The following AP3D1 variants were observed in gnomAD, a reference collection of about 807,000 sequenced individuals.
The protein encoded by AP3D1 is adaptor related protein complex 3 subunit delta 1.
A neutral mutation model predicts 147.6 loss-of-function variants in AP3D1; 51 were observed. The observed-to-expected ratio is 0.35, with a 90% CI of 0.28 to 0.44. AP3D1 has a LOEUF of 0.44. AP3D1 is among the 20% of genes least tolerant of loss of function. The probability of loss-of-function intolerance (pLI) is 1.00; values close to 1 mark genes in which losing one functional copy is unlikely to be tolerated. For missense variants in AP3D1, 1,421 were observed against 1,624.2 expected, an observed-to-expected ratio of 0.87 and a Z score of 2.15; for synonymous variants, 760 against 663.0, an observed-to-expected ratio of 1.15 and a Z score of -2.25.
rs200828360 is a variant in AP3D1 at position 2,116,281 on chromosome 19, G to A, written c.2002-3C>T. Reference sequence around the variant, plus strand: ...TCCTGCTTCCGGGCCTCTCGGCGCTGTGGGACACAGCTTGGCATGAGCCCG... The same window carrying A: ...TCCTGCTTCCGGGCCTCTCGGCGCTATGGGACACAGCTTGGCATGAGCCCG... On this transcript the variant is annotated splice_region_variant and splice_polypyrimidine_tract_variant and intron_variant, in intron 17 of 31. Transcript: ENST00000643116. 2,252 of 1,613,842 alleles carry A rather than the reference G, an allele frequency of 1.4e-3. 20 individuals carry two copies. Among genetic ancestry groups the A allele is most frequent in the South Asian group, 9.8e-3 (889 of 91,066 alleles).
At chr19:2,153,946 ATTTTTTT>A (rs879565994), upstream of AP3D1, among the ~76,000 whole-genome samples, 1 of 74,408 alleles carries the variant, frequency 1.3e-5, no homozygotes, top group Non-Finnish European at 4.0e-5. Flanking sequence ...CCCAGCCTGA[ATTTTTTT>A]TTTTTTTTTT....
chr19:2,144,855 A>T (rs1469450294), intron 1 of AP3D1, among the ~76,000 whole-genome samples: 1 of 152,164 alleles, frequency 6.6e-6, no homozygotes, highest in Non-Finnish European at 1.5e-5. Context: ...GTGAGCCAAG[A>T]TCGCACCACT....
chr19:2,138,102 G>A (rs141537762), intron 2 of AP3D1, among the ~76,000 whole-genome samples: 8 of 152,352 alleles, frequency 5.3e-5, no homozygotes, highest in South Asian at 2.1e-4. Context: ...AACCCTTGGC[G>A]AATCGGCTCC....
At chr19:2,136,125 C>T (rs373614387) in intron 4 of AP3D1, among the ~76,000 whole-genome samples, 3 of 152,240 alleles carry the variant, frequency 2.0e-5, no homozygotes, top group African/African-American at 4.8e-5. Flanking sequence ...AAGAGCCCCA[C>T]GGCATCTAGG....
chr19:2,112,917 G>A lies in AP3D1; in HGVS notation c.2730C>T (p.Asp910=), dbSNP rs777546600. 58 of 1,613,158 alleles carry A rather than the reference G, an allele frequency of 3.6e-5. No homozygotes were observed. The highest frequency in any genetic ancestry group is 1.6e-4 in the Middle Eastern group (1 of 6,082). ...CCTCGCCCTGCGCCTCCGTCTTGGCGTCCTCACACTCGTCCTTCGGGGTAG... is the reference window on the plus strand; with the variant it reads ...CCTCGCCCTGCGCCTCCGTCTTGGCATCCTCACACTCGTCCTTCGGGGTAG... ...TVTTPKDECE[D]AKTEAQGEED... is the part of the protein sequence containing the mutation. The change falls in exon 24 of 32, where the codon GAC becomes GAT. Residue 910 remains aspartate, a synonymous_variant. Transcript: ENST00000643116.
chr19:2,119,699 CAAAAAAAAAAAAAAA>C (rs954635585), intron 14 of AP3D1, among the ~76,000 whole-genome samples: 2 of 25,336 alleles, frequency 7.9e-5, no homozygotes, highest in Non-Finnish European at 1.5e-4. Context: ...GACTCTGTCT[CAAAAAAAAAAAAAAA>C]AAAAAAAAAA....
chr19:2,130,415 G>C lies in AP3D1; in HGVS notation c.585C>G (p.Pro195=). The change falls in exon 6 of 32, where the codon CCC becomes CCG. Residue 195 remains proline (P), a synonymous_variant. Coordinates refer to ENST00000643116, the MANE Select transcript of AP3D1 (RefSeq NM_001261826.3). The stretch of plus-strand genomic sequence containing the variant: ...TAACTCAAATCCACAAACCGGGGTC[G>C]GGGTCCTCCAGCTTCTCCTTCAGCC... ...FPRLKEKLED[P]DPGVQSAAVN... 6.2e-7 allele frequency: 1 copy of C among 1,613,916 alleles called. No homozygotes were observed. Among genetic ancestry groups the C allele is most frequent in the Non-Finnish European group, 8.5e-7 (1 of 1,180,006 alleles).
intron 1 of AP3D1, among the ~76,000 whole-genome samples, chr19:2,157,050 A>G (rs925971514): frequency 1.3e-5 from 2 of 150,786 alleles, no homozygotes; most frequent in Admixed American, 6.6e-5. Flanking sequence ...CCATCCACCC[A>G]TCTGTCATCC....
intron 11 of AP3D1, among the ~76,000 whole-genome samples, chr19:2,122,253 G>A (rs1199556833): frequency 1.3e-5 from 2 of 152,176 alleles, no homozygotes; most frequent in Non-Finnish European, 1.5e-5. Flanking sequence ...GGTCTCACCT[G>A]TACCCAGTAC....
At chr19:2,142,200 A>C (rs1043457589) in intron 1 of AP3D1, among the ~76,000 whole-genome samples, 9 of 151,866 alleles carry the variant, frequency 5.9e-5, no homozygotes. Context: ...ATATTTTTAG[A>C]GGGGGTTTAG....
Position 2,116,131 on chromosome 19 carries a change from C to A in AP3D1, c.2073+76G>T, listed in dbSNP as rs78715673. ...AGGATCTTCCTGAGGGAACCCGAAACTCAGATGGATGCCGCGGGGCTCGGG... is the reference window on the plus strand; with the variant it reads ...AGGATCTTCCTGAGGGAACCCGAAAATCAGATGGATGCCGCGGGGCTCGGG... On this transcript the variant is annotated intron_variant, in intron 18 of 31. Transcript: ENST00000643116. 2,987 of 1,476,166 alleles carry A rather than the reference C, an allele frequency of 2.0e-3. 89 individuals carry two copies. In the Admixed American group the frequency reaches 0.048, roughly 24 times the overall value. The allele number at this position is 1,476,166 out of a possible 1,614,324, so 91.4% of individuals were successfully genotyped here. A position where few individuals can be genotyped will look rare whatever the true frequency, so the allele number is the denominator to read the frequency against.
intron 1 of AP3D1, among the ~76,000 whole-genome samples, chr19:2,143,807 G>C (rs1458374850): frequency 6.6e-6 from 1 of 152,010 alleles, no homozygotes; most frequent in African/African-American, 2.4e-5. Flanking sequence ...TGCTGCCTCG[G>C]CCAGGTGCGG....
chr19:2,113,893 G>A (rs1223616287), intron 22 of AP3D1, among the ~76,000 whole-genome samples: 2 of 152,186 alleles, frequency 1.3e-5, no homozygotes, highest in Non-Finnish European at 1.5e-5. Flanking sequence ...GTGAGGACAC[G>A]GCTCACCCAT....
At chr19:2,155,827 C>T (rs1024172489), upstream of AP3D1, among the ~76,000 whole-genome samples, 11 of 151,856 alleles carry the variant, frequency 7.2e-5, no homozygotes, top group South Asian at 2.1e-4. Context: ...CCGAGGTGGG[C>T]GGATCAGGAG....
At chr19:2,123,449 C>T (rs769368294) in intron 10 of AP3D1, 43 bp from the exon 11 acceptor site, 3 of 1,604,508 alleles carry the variant, frequency 1.9e-6, no homozygotes, top group Non-Finnish European at 2.6e-6. Context: ...TCCTCTAAAC[C>T]AAGGGTGAGT....
chr19:2,149,941 T>C (rs1190416183), intron 1 of AP3D1, among the ~76,000 whole-genome samples: 1 of 152,206 alleles, frequency 6.6e-6, no homozygotes, highest in Non-Finnish European at 1.5e-5. Context: ...TCCAGTTAGT[T>C]ACACGTTGTA....
Position 2,117,372 on chromosome 19 carries a change from G to C in AP3D1, c.1714-5C>G, listed in dbSNP as rs1226908196. 4 of 1,583,668 alleles carry C rather than the reference G, an allele frequency of 2.5e-6. No homozygotes were observed. ...CAGCTGCAGGATGCAGGACGCCTGT[G>C]GGGGACACAGGGGTCACTGCTGGCA... On this transcript the variant is annotated splice_polypyrimidine_tract_variant and splice_region_variant and intron_variant, in intron 15 of 31. Transcript: ENST00000643116.
At chr19:2,104,811 C>G (rs112377915) in intron 31 of AP3D1, among the ~76,000 whole-genome samples, 1 of 151,846 alleles carries the variant, frequency 6.6e-6, no homozygotes, top group South Asian at 2.1e-4. Context: ...GGACTACAGG[C>G]TCACTGTACT....
intron 4 of AP3D1, among the ~76,000 whole-genome samples, chr19:2,135,362 C>A (rs2019049565): frequency 6.6e-6 from 1 of 152,048 alleles, no homozygotes; most frequent in Admixed American, 6.6e-5. Context: ...ATGGTGAAAC[C>A]CCATCTCTAC....
Sources: gnomAD v4.1 joint callset for allele counts (sites outside exome capture counted in the v4.1 genomes callset) on GRCh38, gnomAD v4.1.1 for gene constraint, MANE v1.5 for transcripts, NCBI Gene and HGNC (gene_info 2026-07-23, HGNC 2026-07-21) for gene names.